DMD: variants seen among roughly 807,000 people sequenced by gnomAD.
The protein encoded by DMD is dystrophin, also known as mutant dystrophin.
Under a neutral mutation model 330.1 loss-of-function variants are expected in DMD, and 63 were observed. The observed-to-expected ratio is 0.19, with a 90% CI of 0.16 to 0.24. The LOEUF is 0.24. Among genes scored for constraint, DMD ranks in the 10% least tolerant of loss-of-function variants. DMD has a pLI of 1.00. For synonymous variants in DMD, 1,223 were observed against 959.8 expected (o/e 1.27, Z -5.07); for missense variants, 3,344 against 2,684.1 (o/e 1.25, Z -5.43).
chrX:33,180,453 A>T, intron 1 of DMD, among the ~76,000 whole-genome samples: 1 of 111,787 alleles, frequency 8.9e-6, no homozygotes, highest in African/African-American at 3.3e-5. Flanking sequence ...ACATGCACAC[A>T]CATACACACA....
chrX:32,335,943 G>T (rs951979099), intron 41 of DMD, among the ~76,000 whole-genome samples: 1 of 104,419 alleles, frequency 9.6e-6, no homozygotes, highest in South Asian at 4.0e-4. Flanking sequence ...ACGTGTATAC[G>T]TGTATGTTAT....
chrX:32,928,974 G>A (rs993749253), intron 2 of DMD, among the ~76,000 whole-genome samples: 12 of 111,700 alleles, frequency 1.1e-4, no homozygotes, highest in African/African-American at 3.9e-4. Flanking sequence ...GGTATGCATA[G>A]ATATAATTTC....
At chrX:32,210,652 AG>A (rs1241075587) in intron 44 of DMD, among the ~76,000 whole-genome samples, 2 of 111,830 alleles carry the variant, frequency 1.8e-5, no homozygotes, top group African/African-American at 3.3e-5. Flanking sequence ...GAGTTCTTTG[AG>A]GCAGTAGATT....
intron 44 of DMD, among the ~76,000 whole-genome samples, chrX:32,150,040 C>G (rs775019595): frequency 1.8e-5 from 2 of 112,161 alleles, no homozygotes; most frequent in Non-Finnish European, 3.8e-5. Flanking sequence ...ATCCATCTCT[C>G]TCTTTACACA....
intron 1 of DMD, among the ~76,000 whole-genome samples, chrX:33,059,872 T>C (rs962227558): frequency 2.7e-5 from 3 of 112,024 alleles, no homozygotes; most frequent in African/African-American, 6.5e-5. Flanking sequence ...AAAATGACAA[T>C]TTAATCAATG....
At chrX:31,265,392 G>C (rs2050940486) in intron 62 of DMD, among the ~76,000 whole-genome samples, 1 of 111,554 alleles carries the variant, frequency 9.0e-6, no homozygotes, top group African/African-American at 3.3e-5. Context: ...ATCAATATAA[G>C]CATCAGAAAT....
At chrX:32,300,256 T>C (rs191940265) in intron 42 of DMD, among the ~76,000 whole-genome samples, 4 of 111,904 alleles carry the variant, frequency 3.6e-5, no homozygotes, top group Admixed American at 9.5e-5. Flanking sequence ...TATTCAGGTA[T>C]GGTCAGACGT....
At chrX:32,210,898 G>A (rs957214988) in intron 44 of DMD, among the ~76,000 whole-genome samples, 14 of 111,609 alleles carry the variant, frequency 1.3e-4, no homozygotes, top group Admixed American at 1.1e-3. Flanking sequence ...TCATGGACTC[G>A]CTTGTCTCAA....
intron 13 of DMD, among the ~76,000 whole-genome samples, chrX:32,586,604 G>T (rs188468362): frequency 9.1e-6 from 1 of 109,628 alleles, no homozygotes; most frequent in East Asian, 2.9e-4. Context: ...ATACATTACT[G>T]TGTTACATAG....
rs185993447 is a variant in DMD at position 32,077,773 on chromosome X, A to G, written c.6439-109259T>C. ...CTCTTGTCCAGATCACCAAAAAATT[A>G]TATGTTGCCAAATCCAATAGTCACT... On this transcript the variant is annotated intron_variant, in intron 44 of 78. Coordinates refer to ENST00000357033, the MANE Select transcript of DMD (RefSeq NM_004006.3). Among the ~76,000 whole-genome samples, 5 of 111,746 alleles carry G rather than the reference A, an allele frequency of 4.5e-5. No homozygotes were observed. The East Asian group carries it at 8.4e-4, about 19-fold the overall frequency.
In DMD at chrX:33,101,394, G is replaced by A. The variant is rs1353452731; in HGVS notation, c.32-81194C>T. On this transcript the variant is annotated intron_variant, in intron 1 of 78. Transcript: ENST00000357033. ...CATAATCTCAGCACTTTGGGAGGCC[G>A]AGGCACGCGGATCACCTGAGGTCAG... 5.3e-5 allele frequency among the ~76,000 whole-genome samples: 6 copies of A among 112,231 alleles called. No individual in the cohort carries two copies. The East Asian group carries it at 1.7e-3, about 32-fold the overall frequency.
At chrX:31,974,597 G>A (rs942161548) in intron 44 of DMD, among the ~76,000 whole-genome samples, 14 of 109,157 alleles carry the variant, frequency 1.3e-4, no homozygotes, top group Non-Finnish European at 1.9e-4. Flanking sequence ...ATTTGTTACA[G>A]GAACTAGAGT....
chrX:33,185,562 T>C (rs1214767769), intron 1 of DMD, among the ~76,000 whole-genome samples: 2 of 111,783 alleles, frequency 1.8e-5, no homozygotes, highest in Non-Finnish European at 3.8e-5. Context: ...TCTATCTCCA[T>C]GTAAGTGATT....
chrX:32,600,822 A>G (rs2056123884), intron 12 of DMD, among the ~76,000 whole-genome samples: 1 of 111,628 alleles, frequency 9.0e-6, no homozygotes, highest in African/African-American at 3.3e-5. Context: ...AAAATTTGCA[A>G]AGGACATTAA....
At chrX:32,916,321 A>G (rs1266286027) in intron 2 of DMD, among the ~76,000 whole-genome samples, 2 of 111,729 alleles carry the variant, frequency 1.8e-5, no homozygotes, top group African/African-American at 6.5e-5. Context: ...GTAACTAGAA[A>G]TATTTTCTAC....
At chrX:33,144,959 GTAAC>G (rs768256561) in intron 1 of DMD, among the ~76,000 whole-genome samples, 1 of 111,782 alleles carries the variant, frequency 8.9e-6, no homozygotes, top group Admixed American at 9.5e-5. Flanking sequence ...CAGCCCATGT[GTAAC>G]TAACTCTTAC....
intron 1 of DMD, among the ~76,000 whole-genome samples, chrX:33,273,290 TTTTA>T (rs1268684565): frequency 1.8e-5 from 2 of 112,352 alleles, no homozygotes; most frequent in African/African-American, 6.5e-5. Context: ...GCAATGACTT[TTTTA>T]TTTTTTAAAA....
At chrX:32,700,400 C>T (rs956939672) in intron 7 of DMD, among the ~76,000 whole-genome samples, 2 of 110,703 alleles carry the variant, frequency 1.8e-5, no homozygotes, top group African/African-American at 6.6e-5. Context: ...TGGTGTTTAC[C>T]AGGGGCTGTG....
chrX:31,308,291 T>C (rs1386237849), intron 62 of DMD, among the ~76,000 whole-genome samples: 2 of 112,050 alleles, frequency 1.8e-5, no homozygotes, highest in Non-Finnish European at 3.8e-5. Context: ...CACAACAGTT[T>C]TGGTAATAGG....
Sources: gnomAD v4.1 joint callset for allele counts (sites outside exome capture counted in the v4.1 genomes callset) on GRCh38, gnomAD v4.1.1 for gene constraint, MANE v1.5 for transcripts, NCBI Gene and HGNC (gene_info 2026-07-23, HGNC 2026-07-21) for gene names.